DHRSX: variants seen among roughly 807,000 people sequenced by gnomAD.
DHRSX encodes polyprenol dehydrogenase.
Under a neutral mutation model 34.0 loss-of-function variants are expected in DHRSX, and 31 were observed. The observed-to-expected ratio is 0.91, with a 90% CI of 0.69 to 1.23. The LOEUF is 1.23. DHRSX is among the 50% of genes most tolerant of loss of function. DHRSX has a pLI of 0.00. For synonymous variants in DHRSX, 201 were observed against 183.8 expected (o/e 1.09, Z -0.76); for missense variants, 414 against 428.1 (o/e 0.97, Z 0.29).
chrX:2,308,396 G>A (rs1264088139), intron 3 of DHRSX, among the ~76,000 whole-genome samples: 5 of 151,216 alleles, frequency 3.3e-5, no homozygotes, highest in Non-Finnish European at 1.5e-5. Context: ...ACAATTGTTC[G>A]ACAATTGTTT....
chrX:2,425,960 C>T lies in DHRSX; in HGVS notation c.110-656G>A, dbSNP rs2043841295. 2.0e-5 allele frequency among the ~76,000 whole-genome samples: 3 copies of T among 152,176 alleles called. No homozygotes were observed. The South Asian group carries it at 6.2e-4, about 32-fold the overall frequency. On this transcript the variant is annotated intron_variant, in intron 1 of 6. Coordinates refer to ENST00000334651, the MANE Select transcript of DHRSX (RefSeq NM_145177.3). ...GCAGGCTCTGGGGCATAGGGGCTGT[C>T]CCTGACTCTCTGGTACCTGGCTTTG...
chrX:2,300,892 C>T (rs2042000943), intron 3 of DHRSX, among the ~76,000 whole-genome samples: 1 of 152,180 alleles, frequency 6.6e-6, no homozygotes, highest in Non-Finnish European at 1.5e-5. Flanking sequence ...GCAGAAAGAG[C>T]CCCTTTTTAA....
At chrX:2,358,117 C>G (rs1487370197) in intron 3 of DHRSX, among the ~76,000 whole-genome samples, 1 of 152,122 alleles carries the variant, frequency 6.6e-6, no homozygotes. Context: ...TCTGAAGTTA[C>G]TCAGTTGAGA....
intron 2 of DHRSX, among the ~76,000 whole-genome samples, chrX:2,409,318 G>A (rs1366904499): frequency 6.6e-6 from 1 of 151,950 alleles, no homozygotes; most frequent in Non-Finnish European, 1.5e-5. Flanking sequence ...GCACATGTGC[G>A]GAATGTGCAG....
intron 5 of DHRSX, among the ~76,000 whole-genome samples, chrX:2,247,727 C>A (rs2016332766): frequency 6.8e-6 from 1 of 146,086 alleles, no homozygotes; most frequent in Admixed American, 6.9e-5. Flanking sequence ...AATAAATGAA[C>A]AAAACCAATA....
intron 1 of DHRSX, among the ~76,000 whole-genome samples, chrX:2,446,012 G>A (rs1216300988): frequency 4.6e-5 from 7 of 151,226 alleles, no homozygotes; most frequent in African/African-American, 7.3e-5. Context: ...CCAAGGGACC[G>A]CTGCTGTGTA....
At chrX:2,262,156 G>A (rs1380349408) in intron 5 of DHRSX, among the ~76,000 whole-genome samples, 1 of 152,206 alleles carries the variant, frequency 6.6e-6, no homozygotes, top group Admixed American at 6.5e-5. Context: ...GTCATGGCAG[G>A]GCTGTTCTTG....
rs891028712 is a variant in DHRSX, at chrX:2,495,198, C to A, written c.109+5619G>T. 2.3e-3 allele frequency among the ~76,000 whole-genome samples: 343 copies of A among 150,390 alleles called. 1 individual carries two copies. The highest frequency in any genetic ancestry group is 3.9e-3 in the Non-Finnish European group (264 of 67,734). ...AGTACCCTGAACAAAGGTTTATATT[C>A]TATTATCATTAATATTATTATTATT... is the stretch of plus-strand genomic sequence containing the variant. On this transcript the variant is annotated intron_variant, in intron 1 of 6. Transcript: ENST00000334651.
intron 1 of DHRSX, among the ~76,000 whole-genome samples, chrX:2,447,648 A>G (rs1318517070): frequency 1.3e-5 from 2 of 151,748 alleles, no homozygotes; most frequent in Non-Finnish European, 2.9e-5. Context: ...CAATCAACAC[A>G]TGAGTGCCTC....
intron 5 of DHRSX, among the ~76,000 whole-genome samples, chrX:2,244,000 A>C (rs1436170694): frequency 6.6e-6 from 1 of 151,280 alleles, no homozygotes; most frequent in Non-Finnish European, 1.5e-5. Context: ...TGAACTCCTG[A>C]CCTCGGGTGA....
chrX:2,417,628 C>T (rs2043713992), intron 2 of DHRSX, among the ~76,000 whole-genome samples: 2 of 151,780 alleles, frequency 1.3e-5, no homozygotes, highest in South Asian at 4.2e-4. Context: ...GTCAATGTGA[C>T]CTGACCCAAC....
At chrX:2,318,257 T>C (rs751289245) in intron 3 of DHRSX, among the ~76,000 whole-genome samples, 1 of 148,982 alleles carries the variant, frequency 6.7e-6, no homozygotes, top group African/African-American at 2.5e-5. Context: ...TCCCAGCTAC[T>C]TGGGAGGCTG....
At chrX:2,284,185 C>T (rs901182454) in intron 4 of DHRSX, among the ~76,000 whole-genome samples, 1 of 127,366 alleles carries the variant, frequency 7.9e-6, no homozygotes, top group Admixed American at 7.6e-5. Context: ...TTCATACATT[C>T]CTTTCAATTC....
At chrX:2,448,167 A>ATG (rs1569502444) in intron 1 of DHRSX, among the ~76,000 whole-genome samples, 1 of 149,594 alleles carries the variant, frequency 6.7e-6, no homozygotes, top group African/African-American at 2.5e-5. Flanking sequence ...GCAAGATCCC[A>ATG]TCTACATAAA....
At chrX:2,239,546 G>C (rs2016092409) in intron 6 of DHRSX, among the ~76,000 whole-genome samples, 1 of 151,680 alleles carries the variant, frequency 6.6e-6, no homozygotes, top group Admixed American at 6.6e-5. Flanking sequence ...CACGAGGTCA[G>C]GAGATCAAGA....
chrX:2,243,284 G>A, intron 5 of DHRSX, 54 bp from the exon 6 acceptor site: 1 of 1,513,314 alleles, frequency 6.6e-7, no homozygotes, highest in Non-Finnish European at 9.1e-7. Context: ...ACGCCTAAGT[G>A]CTTCATCCCA....
Position 2,470,265 on chromosome X carries a change from C to A in DHRSX, c.109+30552G>T, listed in dbSNP as rs187116943. On this transcript the variant is annotated intron_variant, in intron 1 of 6. Coordinates refer to ENST00000334651, the MANE Select transcript of DHRSX (RefSeq NM_145177.3). ...CTGAAGTGTTTGTCAAAGAACATAA[C>A]ATTTCAGTTGGAGGCCAGGAGCGCT... Among the ~76,000 whole-genome samples, 347 of 151,466 alleles carry A rather than the reference C, an allele frequency of 2.3e-3. 4 individuals are homozygous for A. Among genetic ancestry groups the A allele is most frequent in the African/African-American group, 7.1e-3 (294 of 41,316 alleles).
intron 1 of DHRSX, among the ~76,000 whole-genome samples, chrX:2,473,203 C>A (rs750862704): frequency 2.4e-4 from 37 of 152,254 alleles, no homozygotes; most frequent in African/African-American, 8.9e-4. Context: ...CGTGGGACGC[C>A]AAAAACCAGA....
chrX:2,341,243 A>C (rs2042636300), intron 3 of DHRSX, among the ~76,000 whole-genome samples: 2 of 152,074 alleles, frequency 1.3e-5, no homozygotes, highest in Admixed American at 6.6e-5. Context: ...TGTTCTCCAG[A>C]GCTTACAGGT....
Sources: gnomAD v4.1 joint callset for allele counts (sites outside exome capture counted in the v4.1 genomes callset) on GRCh38, gnomAD v4.1.1 for gene constraint, MANE v1.5 for transcripts, NCBI Gene and HGNC (gene_info 2026-07-23, HGNC 2026-07-21) for gene names.